Variants in SMTN observed in about 807,000 individuals in gnomAD.
SMTN encodes the protein smoothelin.
In SMTN, 58 loss-of-function variants were observed where a neutral mutation model predicts 102.0. That is an observed-to-expected ratio of 0.57 (90% CI 0.46 to 0.71). SMTN has a LOEUF of 0.71. Ranked by LOEUF, SMTN falls within the 30% of genes least tolerant of loss-of-function variation. The probability of loss-of-function intolerance (pLI) is 0.00; values close to 1 mark genes in which losing one functional copy is unlikely to be tolerated. For synonymous variants in SMTN, 478 were observed against 497.9 expected (o/e 0.96, Z 0.53); for missense variants, 1,185 against 1,241.7 (o/e 0.95, Z 0.69).
At position 31,095,133 on chromosome 22, in the gene SMTN, C is replaced by T. The variant is rs1253944684; in HGVS notation, c.1633-170C>T. Among the ~76,000 whole-genome samples the T allele has an allele frequency of 6.6e-6, 1 of 152,232 alleles. No homozygotes were observed. The highest frequency in any genetic ancestry group is 1.5e-5 in the Non-Finnish European group (1 of 68,040). On this transcript the variant is annotated intron_variant, in intron 11 of 20. Coordinates refer to ENST00000333137, the MANE Select transcript of SMTN (RefSeq NM_134269.3). The surrounding 1 kb of genome is among the most constrained non-coding windows in gnomAD (Gnocchi z 4.1). ...CCCTACAACAAAACTGTCAGTGCCT[C>T]TTCCCTGACTGACGCTGACATGGCC...
Position 31,097,014 on chromosome 22 carries a change from G to A in SMTN, c.2043G>A (p.Thr681=), listed in dbSNP as rs767750381. ...CCCCTGCAGATGATGGCACACGGACGGCCCGCACCACCACAGTGGAGTCGA... is the reference window on the plus strand; with the variant it reads ...CCCCTGCAGATGATGGCACACGGACAGCCCGCACCACCACAGTGGAGTCGA... ...RLVHSNDGTR[T]ARTTTVESSF... Residue 681 remains threonine, a synonymous_variant, in exon 15 of 21, where the codon ACG becomes ACA. Transcript: ENST00000333137. The A allele has an allele frequency of 1.7e-5, 28 of 1,614,040 alleles. No homozygotes were observed. Among genetic ancestry groups the A allele is most frequent in the Non-Finnish European group, 2.3e-5 (27 of 1,180,046 alleles).
intron 1 of SMTN, among the ~76,000 whole-genome samples, chr22:31,073,227 C>T: frequency 7.0e-6 from 1 of 143,564 alleles, no homozygotes; most frequent in Non-Finnish European, 1.5e-5. Context: ...CCAACTCCCA[C>T]CACACATACA....
intron 16 of SMTN, 80 bp from the exon 17 acceptor site, chr22:31,098,587 C>CCCT (rs1170358793): frequency 3.4e-5 from 48 of 1,432,500 alleles, no homozygotes; most frequent in South Asian, 1.1e-4. Context: ...ACAAGACCCC[C>CCCT]CCTCCTCCTC....
intron 18 of SMTN, chr22:31,099,523 G>A: frequency 1.7e-6 from 1 of 595,188 alleles, no homozygotes; most frequent in Non-Finnish European, 3.0e-6. Context: ...GCCTTAGCTG[G>A]GTGGCGCTGG....
rs569191249 is a variant in SMTN at position 31,099,750 on chromosome 22, C to T, written c.2457C>T (p.Val819=). Residue 819 remains valine, a synonymous_variant, in exon 19 of 21, where the codon GTC becomes GTT. Transcript: ENST00000333137. The part of the protein sequence containing the change: ...CRAKTRGYEH[V]DIQNFSSSWS... ...AGTCCTCCTACGGCTTATAGCACGT[C>T]GACATCCAGAACTTCTCCTCCAGCT... 2 of 1,613,804 alleles carry T rather than the reference C, an allele frequency of 1.2e-6. No homozygotes were observed. Among genetic ancestry groups the T allele is most frequent in the African/African-American group, 1.3e-5 (1 of 74,922 alleles).
At chr22:31,079,978 G>A (rs1287538497), upstream of SMTN, among the ~76,000 whole-genome samples, 1 of 152,164 alleles carries the variant, frequency 6.6e-6, no homozygotes, top group Admixed American at 6.5e-5. Flanking sequence ...GGCCAGGCTG[G>A]TCTCGAACTC....
At chr22:31,080,218 C>A (rs1293550733), upstream of SMTN, among the ~76,000 whole-genome samples, 1 of 152,092 alleles carries the variant, frequency 6.6e-6, no homozygotes, top group African/African-American at 2.4e-5. Context: ...CGGGGCTCTT[C>A]TGGGTTAACA....
intron 2 of SMTN, among the ~76,000 whole-genome samples, chr22:31,084,331 T>C (rs1239075532): frequency 6.6e-6 from 1 of 152,184 alleles, no homozygotes; most frequent in Non-Finnish European, 1.5e-5. Context: ...CCCACTCTCA[T>C]ACCTTCCCCC....
Position 31,090,113 on chromosome 22 carries a change from G to C in SMTN, c.798G>C (p.Leu266=). The change falls in exon 8 of 21, where the codon CTG becomes CTC. Residue 266 remains leucine, a synonymous_variant. Transcript: ENST00000333137. ...CCTGTTCTTCTCCCTTGCAGCTTCT[G>C]TCTGGCCCCAAAGAGACCCCTGCTG... is the stretch of plus-strand genomic sequence containing the variant. ...STEGQVVNKL[L]SGPKETPAAQ... is the part of the protein sequence containing the mutation. 1 of 1,612,220 alleles carries C rather than the reference G, an allele frequency of 6.2e-7. No homozygotes were observed. Among genetic ancestry groups the C allele is most frequent in the African/African-American group, 1.3e-5 (1 of 74,966 alleles).
At chr22:31,099,016 A>T (rs1602672569) in intron 17 of SMTN, 46 bp from the exon 18 acceptor site, 1 of 1,574,324 alleles carries the variant, frequency 6.4e-7, no homozygotes, top group South Asian at 1.1e-5. Flanking sequence ...CCACCGAGGC[A>T]TGCCCCTTAT....
At chr22:31,084,933 T>C (rs1297522761) in intron 2 of SMTN, 25 of 1,349,682 alleles carry the variant, frequency 1.9e-5, no homozygotes, top group Non-Finnish European at 1.6e-5. Context: ...CGAGCCGGGC[T>C]CCTCCCCGCG....
chr22:31,094,401 G>A (rs1019446377), intron 11 of SMTN, among the ~76,000 whole-genome samples: 1 of 152,244 alleles, frequency 6.6e-6, no homozygotes, highest in Non-Finnish European at 1.5e-5. Context: ...GGAGCCTACA[G>A]GCCCCGGGCC....
At chr22:31,091,609 C>T in intron 10 of SMTN, 66 bp from the exon 11 acceptor site, 1 of 1,526,578 alleles carries the variant, frequency 6.6e-7, no homozygotes, top group East Asian at 2.3e-5. Context: ...AGGGCATTAT[C>T]AACCTTGTCT....
At chr22:31,098,569 AGTGTGC>A (rs1276045032) in intron 16 of SMTN, 92 bp from the exon 17 acceptor site, 1 of 1,105,772 alleles carries the variant, frequency 9.0e-7, no homozygotes, top group African/African-American at 2.3e-5. Context: ...TGGAGATACT[AGTGTGC>A]TACAAGACCC....
At chr22:31,100,681 C>T (rs972864879) in intron 19 of SMTN, among the ~76,000 whole-genome samples, 1 of 152,184 alleles carries the variant, frequency 6.6e-6, no homozygotes, top group African/African-American at 2.4e-5. Flanking sequence ...GGCACGTCCA[C>T]AGTGGGGAGG....
intron 20 of SMTN, chr22:31,103,770 T>C (rs549498344): frequency 1.3e-5 from 2 of 154,696 alleles, no homozygotes; most frequent in African/African-American, 4.8e-5. Flanking sequence ...AGCAGCAGGG[T>C]TATCCCCACC....
chr22:31,091,260 G>A lies in SMTN; in HGVS notation c.1237G>A (p.Glu413Lys), dbSNP rs1316441755. 2 of 1,602,760 alleles carry A rather than the reference G, an allele frequency of 1.2e-6. No homozygotes were observed. The highest frequency in any genetic ancestry group is 2.3e-5 in the East Asian group (1 of 44,438). ...PLAQLRSCPQ[E>K]EGPRGRGLAA... ...GGCCCAGCTTCGAAGCTGCCCCCAG[G>A]AGGAGGGCCCCAGGGGGCGGGGCTT... Residue 413 changes from glutamate (E) to lysine (K), a missense_variant, in exon 10 of 21, where the codon GAG becomes AAG. Glu to Lys is a moderately conservative substitution (Grantham distance 56, BLOSUM62 1). Coordinates refer to ENST00000333137, the MANE Select transcript of SMTN (RefSeq NM_134269.3).
chr22:31,101,573 T>G (rs1395642399), intron 20 of SMTN: 1 of 155,108 alleles, frequency 6.4e-6, no homozygotes, highest in Non-Finnish European at 1.4e-5. Context: ...GATCACGAGG[T>G]CATGAGTTCG....
chr22:31,102,526 C>G (rs1008256852), intron 20 of SMTN: 5 of 152,368 alleles, frequency 3.3e-5, no homozygotes, highest in Non-Finnish European at 7.3e-5. Flanking sequence ...AGAAGGAGCA[C>G]AGATGAGTGG....
Sources: gnomAD v4.1 joint callset for allele counts (sites outside exome capture counted in the v4.1 genomes callset) on GRCh38, gnomAD v4.1.1 for gene constraint, Gnocchi (gnomAD v3.1) non-coding constraint, MANE v1.5 for transcripts, NCBI Gene and HGNC (gene_info 2026-07-23, HGNC 2026-07-21) for gene names.